EPAS1: variants seen among roughly 807,000 people sequenced by gnomAD.
The protein encoded by EPAS1 is endothelial PAS domain protein 1.
EPAS1 carries 23 observed loss-of-function variants against 87.9 expected under a neutral mutation model. That is an observed-to-expected ratio of 0.26 (90% confidence interval 0.19 to 0.37). The LOEUF (loss-of-function observed/expected upper bound fraction) is 0.37, where lower values mean the gene tolerates loss of function less well. EPAS1 is among the 10% of genes least tolerant of loss of function. The pLI is 1.00. For synonymous variants in EPAS1, 508 were observed against 444.3 expected (o/e 1.14, Z -1.80); for missense variants, 1,138 against 1,120.7 (o/e 1.02, Z -0.22).
intron 11 of EPAS1, among the ~76,000 whole-genome samples, chr2:46,379,071 G>A (rs1684823146): frequency 6.6e-6 from 1 of 152,314 alleles, no homozygotes; most frequent in Non-Finnish European, 1.5e-5. Context: ...CATTTAACAA[G>A]CATAGCCAGA....
chr2:46,375,736 A>G lies in EPAS1; in HGVS notation c.933A>G (p.Ala311=), dbSNP rs1684730717. The change falls in exon 8 of 16, where the codon GCA becomes GCG. Residue 311 remains alanine (A), a synonymous_variant. Transcript: ENST00000263734. This position sits in a 1 kb window ranked among gnomAD's most constrained non-coding sequence, Gnocchi z 4.1. ...QVVSGQYRML[A]KHGGYVWLET... is the part of the protein sequence containing the mutation. ...TAAGTGGCCAGTACCGGATGCTCGC[A>G]AAGCATGGGGGCTACGTGTGGCTGG... 1 of 1,614,200 alleles carries G rather than the reference A, an allele frequency of 6.2e-7. No homozygotes were observed. Among genetic ancestry groups the G allele is most frequent in the East Asian group, 2.2e-5 (1 of 44,884 alleles).
intron 6 of EPAS1, among the ~76,000 whole-genome samples, chr2:46,365,593 C>T (rs189538667): frequency 1.3e-5 from 2 of 152,340 alleles, no homozygotes; most frequent in Non-Finnish European, 1.5e-5. Context: ...TACAGGTACC[C>T]TGTAACACTC....
intron 1 of EPAS1, among the ~76,000 whole-genome samples, chr2:46,311,380 G>C (rs1353281616): frequency 6.6e-6 from 1 of 152,168 alleles, no homozygotes; most frequent in African/African-American, 2.4e-5. Context: ...GTGGAAAGGA[G>C]CCTGGACTGT....
intron 1 of EPAS1, among the ~76,000 whole-genome samples, chr2:46,311,129 G>A (rs1186095206): frequency 1.3e-5 from 2 of 152,044 alleles, no homozygotes; most frequent in Non-Finnish European, 2.9e-5. Context: ...CACCCGCCTC[G>A]GCCTCCCAAA....
chr2:46,360,505 C>G lies in EPAS1; in HGVS notation c.455-133C>G, dbSNP rs186236229. On this transcript the variant is annotated intron_variant, in intron 4 of 15. Coordinates refer to ENST00000263734, the MANE Select transcript of EPAS1 (RefSeq NM_001430.5). This position sits in a 1 kb window ranked among gnomAD's most constrained non-coding sequence, Gnocchi z 4.5. ...ATGGAGCTCAGTGTTGATGGCAGAC[C>G]ACAGGTGCTAAGAGAGCAGATATTT... 5.7e-5 allele frequency: 46 copies of G among 801,622 alleles called. No individual in the cohort carries two copies. The African/African-American group carries it at 6.4e-4, about 11-fold the overall frequency. 49.7% of individuals were successfully genotyped at this position (801,622 alleles called of 1,614,324 possible).
Position 46,346,613 on chromosome 2 carries a change from T to C in EPAS1, c.27-260T>C, listed in dbSNP as rs543824180. Among the ~76,000 whole-genome samples, 112 of 152,326 alleles carry C rather than the reference T, an allele frequency of 7.4e-4. No homozygotes were observed. Among genetic ancestry groups the C allele is most frequent in the African/African-American group, 2.6e-3 (109 of 41,566 alleles). Reference sequence around the variant, plus strand: ...TTAATCAGCCAGTCTTTGCCCAGACTCCACCCATGTGAAGCCCTGTTCTGG... The same window carrying C: ...TTAATCAGCCAGTCTTTGCCCAGACCCCACCCATGTGAAGCCCTGTTCTGG... On this transcript the variant is annotated intron_variant, in intron 1 of 15. Transcript: ENST00000263734. This position sits in a 1 kb window ranked among gnomAD's most constrained non-coding sequence, Gnocchi z 4.0.
intron 1 of EPAS1, among the ~76,000 whole-genome samples, chr2:46,312,297 G>T (rs1683228795): frequency 6.6e-6 from 1 of 152,168 alleles, no homozygotes; most frequent in Admixed American, 6.5e-5. Flanking sequence ...CTAGGAGTTT[G>T]AAAGACTTTT....
rs150617964 is a variant in EPAS1 at position 46,300,251 on chromosome 2, A to G, written c.26+2314A>G. Among the ~76,000 whole-genome samples the G allele has an allele frequency of 9.8e-5, 15 of 152,352 alleles. No homozygotes were observed. The highest frequency in any genetic ancestry group is 3.6e-4 in the African/African-American group (15 of 41,572). Reference sequence around the variant, plus strand: ...CTGCTGTAGCTTTTCTGAGTGCCTCACAAGGGCGATGTGACAGTGAGGGGG... The same window carrying G: ...CTGCTGTAGCTTTTCTGAGTGCCTCGCAAGGGCGATGTGACAGTGAGGGGG... On this transcript the variant is annotated intron_variant, in intron 1 of 15. Transcript: ENST00000263734. The surrounding 1 kb of genome is among the most constrained non-coding windows in gnomAD (Gnocchi z 4.1).
At chr2:46,362,045 CA>C (rs1684401750) in intron 6 of EPAS1, among the ~76,000 whole-genome samples, 2 of 152,168 alleles carry the variant, frequency 1.3e-5, no homozygotes, top group South Asian at 4.1e-4. Flanking sequence ...GAGTAAGCGC[CA>C]CTGGGGCTTG....
intron 7 of EPAS1, 85 bp downstream of exon 7, chr2:46,370,018 C>T: frequency 1.0e-6 from 1 of 982,342 alleles, no homozygotes; most frequent in Non-Finnish European, 1.6e-6. Flanking sequence ...GACAGAAGAC[C>T]AGGTCACTTC....
intron 1 of EPAS1, among the ~76,000 whole-genome samples, chr2:46,313,395 C>G (rs1288498943): frequency 6.6e-6 from 1 of 152,106 alleles, no homozygotes; most frequent in African/African-American, 2.4e-5. Context: ...TAACCTCCCT[C>G]CTGTTCTGTT....
At chr2:46,358,120 A>T (rs923260904) in intron 4 of EPAS1, among the ~76,000 whole-genome samples, 1 of 152,134 alleles carries the variant, frequency 6.6e-6, no homozygotes, top group African/African-American at 2.4e-5. Flanking sequence ...GGCTCTTATT[A>T]CCACACACGC....
At chr2:46,335,152 G>A (rs545403716) in intron 1 of EPAS1, among the ~76,000 whole-genome samples, 1 of 152,230 alleles carries the variant, frequency 6.6e-6, no homozygotes, top group African/African-American at 2.4e-5. Flanking sequence ...TTCTCTTGCT[G>A]TTTTGAAATA....
At position 46,345,188 on chromosome 2, in the gene EPAS1, C is replaced by T. The variant is rs916829965; in HGVS notation, c.27-1685C>T. ...AGAGACAGGGTCTCACTATATTGCC[C>T]GGGCTGGTCTTGAACTCCTGGGCCC... On this transcript the variant is annotated intron_variant, in intron 1 of 15. Coordinates refer to ENST00000263734, the MANE Select transcript of EPAS1 (RefSeq NM_001430.5). Among the ~76,000 whole-genome samples the T allele has an allele frequency of 3.3e-5, 5 of 152,098 alleles. No individual in the cohort carries two copies. In the East Asian group the frequency reaches 5.8e-4, roughly 18 times the overall value.
At chr2:46,320,213 G>A (rs1055590114) in intron 1 of EPAS1, among the ~76,000 whole-genome samples, 1 of 152,182 alleles carries the variant, frequency 6.6e-6, no homozygotes, top group African/African-American at 2.4e-5. Flanking sequence ...ATTGTTGCCT[G>A]CTTTTCAAAG....
At chr2:46,319,812 G>A (rs889472496) in intron 1 of EPAS1, among the ~76,000 whole-genome samples, 7 of 152,288 alleles carry the variant, frequency 4.6e-5, no homozygotes, top group Admixed American at 4.6e-4. Context: ...TTGTGGTTGG[G>A]AATTGCTTGT....
Position 46,359,970 on chromosome 2 carries a change from T to C in EPAS1, c.455-668T>C, listed in dbSNP as rs545763870. On this transcript the variant is annotated intron_variant, in intron 4 of 15. Coordinates refer to ENST00000263734, the MANE Select transcript of EPAS1 (RefSeq NM_001430.5). ...ATTTAATTTTTGCTGAGAGAGAGGATATGATCCAGGTTGAGTTAATCCATA... is the reference window on the plus strand; with the variant it reads ...ATTTAATTTTTGCTGAGAGAGAGGACATGATCCAGGTTGAGTTAATCCATA... Among the ~76,000 whole-genome samples, 5 of 152,292 alleles carry C rather than the reference T, an allele frequency of 3.3e-5. No individual in the cohort carries two copies. In the South Asian group the frequency reaches 6.2e-4, roughly 19 times the overall value.
intron 7 of EPAS1, among the ~76,000 whole-genome samples, chr2:46,374,508 C>G (rs1684695467): frequency 6.6e-6 from 1 of 152,174 alleles, no homozygotes; most frequent in Non-Finnish European, 1.5e-5. Context: ...TGCTGGGTAG[C>G]TAATGATGAC....
chr2:46,362,258 C>T (rs1484840815), intron 6 of EPAS1, among the ~76,000 whole-genome samples: 1 of 152,202 alleles, frequency 6.6e-6, no homozygotes, highest in East Asian at 1.9e-4. Flanking sequence ...TTCCCCTTCT[C>T]CAAAATAGAG....
Sources: allele counts gnomAD v4.1 joint callset (sites outside exome capture counted in the v4.1 genomes callset), GRCh38; gene constraint gnomAD v4.1.1; non-coding constraint Gnocchi (gnomAD v3.1); transcripts MANE v1.5; gene names NCBI Gene and HGNC (gene_info 2026-07-23, HGNC 2026-07-21).